The following VIT variants were observed in gnomAD, a reference collection of about 807,000 sequenced individuals.
VIT encodes the protein vitrin.
In VIT, 99 loss-of-function variants were observed where a neutral mutation model predicts 78.0. The observed-to-expected ratio is 1.27, with a 90% CI of 1.08 to 1.50. The LOEUF (loss-of-function observed/expected upper bound fraction) is 1.50. Among genes scored for constraint, VIT ranks in the 40% most tolerant of loss-of-function variants. VIT has a pLI of 0.00. For synonymous variants in VIT, 374 were observed against 334.3 expected, an observed-to-expected ratio of 1.12 and a Z score of -1.29; for missense variants, 1,126 against 875.3, an observed-to-expected ratio of 1.29 and a Z score of -3.61.
rs1333868261 is a variant in VIT, at chr2:36,805,527, G to A, written c.1252G>A (p.Asp418Asn). Residue 418 changes from aspartate to asparagine, a missense_variant, in exon 14 of 16, where the codon GAT (aspartate) becomes AAT (asparagine). Transcript: ENST00000379242. The stretch of plus-strand genomic sequence containing the variant: ...TCCCAATGTGGTGGTGGTGATGGTG[G>A]ATGGCTGGCCCACGGACAAAGTGGA... ...GAPNVVVVMVDGWPTDKVEEA... is the reference protein window; with the variant it reads ...GAPNVVVVMVNGWPTDKVEEA... 2 of 1,614,016 alleles carry A rather than the reference G, an allele frequency of 1.2e-6. No homozygotes were observed. The highest frequency in any genetic ancestry group is 2.2e-5 in the South Asian group (2 of 91,086).
intron 1 of VIT, among the ~76,000 whole-genome samples, chr2:36,699,195 G>A (rs1366989863): frequency 1.3e-5 from 2 of 152,040 alleles, no homozygotes; most frequent in Non-Finnish European, 2.9e-5. Flanking sequence ...AGGGCATTTA[G>A]CCATGGTGCA....
At position 36,809,754 on chromosome 2, in the gene VIT, G is replaced by C. The variant is rs1466132749; in HGVS notation, c.1903+769G>C. On this transcript the variant is annotated intron_variant, in intron 15 of 15. Coordinates refer to ENST00000379242, the MANE Select transcript of VIT (RefSeq NM_053276.4). ...TTTAAGGAAAAATAATGTTTTTAAA[G>C]ACAAGTACTTTTTCTGTAAGCAACT... is the stretch of plus-strand genomic sequence containing the variant. Among the ~76,000 whole-genome samples, 3 of 152,156 alleles carry C rather than the reference G, an allele frequency of 2.0e-5. No homozygotes were observed. In the East Asian group the frequency reaches 5.8e-4, roughly 29 times the overall value.
At chr2:36,739,886 G>A (rs1667735542) in intron 3 of VIT, among the ~76,000 whole-genome samples, 1 of 152,166 alleles carries the variant, frequency 6.6e-6, no homozygotes, top group Non-Finnish European at 1.5e-5. Context: ...GCTAGCAACT[G>A]TCCAGTCCGG....
chr2:36,809,829 C>T (rs1667019981), intron 15 of VIT, among the ~76,000 whole-genome samples: 1 of 152,072 alleles, frequency 6.6e-6, no homozygotes, highest in South Asian at 2.1e-4. Flanking sequence ...AATTTCGATT[C>T]AAAATATTTA....
chr2:36,754,481 C>T (rs1668646980), intron 4 of VIT, among the ~76,000 whole-genome samples: 1 of 152,102 alleles, frequency 6.6e-6, no homozygotes, highest in African/African-American at 2.4e-5. Flanking sequence ...CTTAGCTGCA[C>T]AGCTTTCCTC....
chr2:36,762,663 G>A (rs1208155353), intron 6 of VIT, among the ~76,000 whole-genome samples: 1 of 152,138 alleles, frequency 6.6e-6, no homozygotes, highest in Non-Finnish European at 1.5e-5. Context: ...AGTCATTGGG[G>A]AAGCAGAAGA....
At chr2:36,712,164 C>T (rs1194039834) in intron 1 of VIT, among the ~76,000 whole-genome samples, 1 of 151,796 alleles carries the variant, frequency 6.6e-6, no homozygotes, top group African/African-American at 2.4e-5. Flanking sequence ...TTTTTTCACA[C>T]ATTTCAAAAG....
chr2:36,811,343 T>G (rs1274765614), intron 15 of VIT, among the ~76,000 whole-genome samples: 1 of 152,228 alleles, frequency 6.6e-6, no homozygotes, highest in African/African-American at 2.4e-5. Context: ...TCATCACTTT[T>G]TTTTCTAGAT....
At chr2:36,756,218 A>G (rs1668757068) in intron 5 of VIT, among the ~76,000 whole-genome samples, 1 of 151,992 alleles carries the variant, frequency 6.6e-6, no homozygotes, top group Admixed American at 6.6e-5. Context: ...TCGGCCTCCC[A>G]AAGTGCTGGG....
chr2:36,759,215 G>T lies in VIT; in HGVS notation c.487+169G>T, dbSNP rs1251230227. 3.9e-6 allele frequency: 6 copies of T among 1,552,320 alleles called. No individual in the cohort carries two copies. The African/African-American group carries it at 6.8e-5, about 18-fold the overall frequency. ...GCACAGAAATCAATGAGATCAGATGGCTGGGGCTGAAGAATGAAAGCTTTA... is the reference window on the plus strand; with the variant it reads ...GCACAGAAATCAATGAGATCAGATGTCTGGGGCTGAAGAATGAAAGCTTTA... On this transcript the variant is annotated intron_variant, in intron 6 of 15. Transcript: ENST00000379242.
At chr2:36,773,320 C>CTTTTTTTTTTTTTTTTT (rs11464270) in intron 7 of VIT, among the ~76,000 whole-genome samples, 1 of 145,724 alleles carries the variant, frequency 6.9e-6, no homozygotes. Context: ...GTTAAATACT[C>CTTTTTTTTTTTTTTTTT]TTTTTTTTTT....
chr2:36,771,601 A>G (rs1669765106), intron 7 of VIT, among the ~76,000 whole-genome samples: 2 of 152,170 alleles, frequency 1.3e-5, no homozygotes, highest in South Asian at 4.1e-4. Context: ...AGTACAAATT[A>G]AACAACAAAA....
intron 3 of VIT, among the ~76,000 whole-genome samples, chr2:36,730,874 T>A (rs1395647963): frequency 6.6e-6 from 1 of 151,934 alleles, no homozygotes; most frequent in South Asian, 2.1e-4. Context: ...GAATGGGGAG[T>A]ACGTGCTGAT....
chr2:36,775,011 G>C lies in VIT; in HGVS notation c.746G>C (p.Arg249Thr). The C allele has an allele frequency of 1.2e-6, 2 of 1,614,146 alleles. No homozygotes were observed. The highest frequency in any genetic ancestry group is 1.7e-6 in the Non-Finnish European group (2 of 1,180,022). ...NRPRADPGIQ[R>T]QDPSGAAFQK... ...TGTGTAATCCCCTCAGGTATCCAAA[G>C]GCAAGATCCTTCAGGAGCTGCCTTC... Residue 249 changes from arginine (R) to threonine (T), a missense_variant, in exon 9 of 16, where the codon AGG (arginine) becomes ACG (threonine). Coordinates refer to ENST00000379242, the MANE Select transcript of VIT (RefSeq NM_053276.4).
chr2:36,766,774 T>A (rs557761947), intron 6 of VIT, among the ~76,000 whole-genome samples: 2 of 152,240 alleles, frequency 1.3e-5, no homozygotes, highest in African/African-American at 4.8e-5. Context: ...AAAAAAAATG[T>A]ACATAAACCA....
At position 36,805,452 on chromosome 2, in the gene VIT, T is replaced by C. The variant is rs374767207; in HGVS notation, c.1177T>C (p.Phe393Leu). 1.2e-6 allele frequency: 2 copies of C among 1,611,654 alleles called. No individual in the cohort carries two copies. Among genetic ancestry groups the C allele is most frequent in the East Asian group, 2.2e-5 (1 of 44,836 alleles). Residue 393 changes from phenylalanine to leucine, a missense_variant, in exon 14 of 16, where the codon TTT becomes CTT. Physicochemically the swap from Phe to Leu is conservative, Grantham distance 22. Coordinates refer to ENST00000379242, the MANE Select transcript of VIT (RefSeq NM_053276.4). ...TTTTCTTCCAGGTCGGGCCATCTCC[T>C]TTGTGACCAAGAACTTCTTTTCCAA... ...GLSNVGRAIS[F>L]VTKNFFSKAN...
chr2:36,770,561 C>T (rs779436048), intron 7 of VIT, among the ~76,000 whole-genome samples: 1 of 152,018 alleles, frequency 6.6e-6, no homozygotes, highest in South Asian at 2.1e-4. Flanking sequence ...GTAAGGGAGC[C>T]GAAAGCCAGA....
intron 13 of VIT, 103 bp downstream of exon 13, chr2:36,801,507 C>A: frequency 9.2e-7 from 1 of 1,092,216 alleles, no homozygotes; most frequent in Non-Finnish European, 1.3e-6. Context: ...TAATAATAAT[C>A]CGTCAAGAAA....
intron 10 of VIT, among the ~76,000 whole-genome samples, chr2:36,782,080 T>C (rs1664798705): frequency 6.6e-6 from 1 of 152,176 alleles, no homozygotes; most frequent in Non-Finnish European, 1.5e-5. Context: ...GCAGCACACT[T>C]TAACTTCCTC....
Sources: allele counts gnomAD v4.1 joint callset (sites outside exome capture counted in the v4.1 genomes callset), GRCh38; gene constraint gnomAD v4.1.1; transcripts MANE v1.5; gene names NCBI Gene and HGNC (gene_info 2026-07-23, HGNC 2026-07-21).